Variants in MICAL3 observed in about 807,000 individuals in gnomAD.
MICAL3 encodes the protein microtubule associated monooxygenase, calponin and LIM domain containing 3, also known as [F-actin]-monooxygenase MICAL3.
A neutral mutation model predicts 207.4 loss-of-function variants in MICAL3; 62 were observed. The observed-to-expected ratio is 0.30, with a 90% CI of 0.24 to 0.37. The LOEUF is 0.37. Among genes scored for constraint, MICAL3 ranks in the 10% least tolerant of loss-of-function variants. The pLI is 1.00. For synonymous variants in MICAL3, 1,077 were observed against 1,069.3 expected, an observed-to-expected ratio of 1.01 and a Z score of -0.14; for missense variants, 2,368 against 2,635.6, an observed-to-expected ratio of 0.90 and a Z score of 2.22.
intron 19 of MICAL3, among the ~76,000 whole-genome samples, chr22:17,859,291 C>T (rs1353730453): frequency 1.3e-5 from 2 of 152,206 alleles, no homozygotes; most frequent in African/African-American, 2.4e-5. Flanking sequence ...AGAGCTGCTT[C>T]AGGGGGACGG....
At chr22:17,843,267 G>C (rs9618139) in intron 19 of MICAL3, among the ~76,000 whole-genome samples, 24,117 of 151,942 alleles carry the variant, frequency 0.16, 3,318 homozygotes, top group African/African-American at 0.37. Flanking sequence ...ACTGTGCTTT[G>C]GTCTCCTTTA....
chr22:17,819,771 C>T (rs1921344964), intron 25 of MICAL3, among the ~76,000 whole-genome samples: 1 of 151,426 alleles, frequency 6.6e-6, no homozygotes, highest in Non-Finnish European at 1.5e-5. Flanking sequence ...AATCCCGTCT[C>T]TACTAAAAAT....
chr22:17,868,820 C>T (rs563634680), intron 17 of MICAL3, among the ~76,000 whole-genome samples: 101 of 152,094 alleles, frequency 6.6e-4, no homozygotes, highest in South Asian at 1.9e-3. Context: ...ATCTGAACAC[C>T]GAGAGCCCCC....
Position 17,946,569 on chromosome 22 carries a change from T to C in MICAL3, c.-74-39683A>G, listed in dbSNP as rs559045836. On this transcript the variant is annotated intron_variant, in intron 1 of 31. Transcript: ENST00000441493. ...TCAGCACATGCGACACTGAGTCATC[T>C]TAGCGCCACACACATGCAGACAGAG... Among the ~76,000 whole-genome samples the C allele has an allele frequency of 2.0e-4, 30 of 152,322 alleles. 1 individual carries two copies. In the South Asian group the frequency reaches 6.0e-3, roughly 31 times the overall value.
At chr22:17,849,319 T>C (rs2146094673) in intron 19 of MICAL3, among the ~76,000 whole-genome samples, 1 of 152,258 alleles carries the variant, frequency 6.6e-6, no homozygotes, top group Middle Eastern at 3.4e-3. Context: ...CTAAGAGTCC[T>C]TCCAATCAAT....
At chr22:17,996,710 G>T (rs1156307654) in intron 1 of MICAL3, among the ~76,000 whole-genome samples, 1 of 152,192 alleles carries the variant, frequency 6.6e-6, no homozygotes, top group Non-Finnish European at 1.5e-5. Context: ...GACAGAGTGC[G>T]TGGCTGGAGA....
At chr22:17,828,279 C>A (rs946990866) in intron 21 of MICAL3, among the ~76,000 whole-genome samples, 1 of 152,256 alleles carries the variant, frequency 6.6e-6, no homozygotes, top group Admixed American at 6.5e-5. Flanking sequence ...CAGCTGATGG[C>A]CAGGTGACGA....
At chr22:17,977,106 C>T (rs1356210466) in intron 1 of MICAL3, among the ~76,000 whole-genome samples, 1 of 152,064 alleles carries the variant, frequency 6.6e-6, no homozygotes, top group East Asian at 1.9e-4. Flanking sequence ...CCGGCAGAGA[C>T]TTAACTACAA....
At chr22:17,810,351 C>A (rs550449795) in intron 28 of MICAL3, among the ~76,000 whole-genome samples, 3 of 152,160 alleles carry the variant, frequency 2.0e-5, no homozygotes, top group Non-Finnish European at 4.4e-5. Flanking sequence ...GCATGAGCCA[C>A]CGCACCCAGC....
At chr22:17,924,291 A>G (rs1165465262) in intron 1 of MICAL3, among the ~76,000 whole-genome samples, 1 of 152,004 alleles carries the variant, frequency 6.6e-6, no homozygotes. Flanking sequence ...AGCTCCACAG[A>G]CTCCAACTCA....
At chr22:17,861,665 C>G (rs1926527946) in intron 19 of MICAL3, 1 of 985,312 alleles carries the variant, frequency 1.0e-6, no homozygotes, top group Admixed American at 6.1e-5. Flanking sequence ...GTGGACAGTA[C>G]AAGGCCAGGG....
chr22:17,948,137 C>T (rs892466348), intron 1 of MICAL3, among the ~76,000 whole-genome samples: 3 of 152,234 alleles, frequency 2.0e-5, no homozygotes, highest in Non-Finnish European at 4.4e-5. Flanking sequence ...ATCCCTGCCA[C>T]TGGAAAAGAA....
chr22:18,020,568 C>T (rs1336650126), intron 1 of MICAL3, among the ~76,000 whole-genome samples: 3 of 142,482 alleles, frequency 2.1e-5, no homozygotes, highest in African/African-American at 8.1e-5. Context: ...TTTCATGGTG[C>T]TAAATGTATA....
intron 21 of MICAL3, 151 bp downstream of exon 21, chr22:17,831,703 C>CA (rs1922825375): frequency 7.8e-7 from 1 of 1,284,930 alleles, no homozygotes; most frequent in African/African-American, 1.5e-5. Flanking sequence ...CTCCCCTCTG[C>CA]CCCCCATGTC....
At chr22:17,924,449 A>C (rs1054508357) in intron 1 of MICAL3, among the ~76,000 whole-genome samples, 13 of 152,348 alleles carry the variant, frequency 8.5e-5, no homozygotes, top group African/African-American at 2.4e-4. Context: ...TGATATAGAT[A>C]CAGGTTGGGC....
In MICAL3 at chr22:17,849,983, G is replaced by A. The variant is rs116157009; in HGVS notation, c.2606-7966C>T. Among the ~76,000 whole-genome samples the A allele has an allele frequency of 5.2e-3, 786 of 152,084 alleles. 12 individuals carry two copies. Among genetic ancestry groups the A allele is most frequent in the African/African-American group, 0.018 (764 of 41,468 alleles). On this transcript the variant is annotated intron_variant, in intron 19 of 31. Coordinates refer to ENST00000441493, the MANE Select transcript of MICAL3 (RefSeq NM_015241.3). ...TGGGATTACAGATGTGAGCCACCGC[G>A]CCCAGTCCCAGGATGGAATTTTTAA...
At chr22:17,852,653 A>C (rs1474124360) in intron 19 of MICAL3, among the ~76,000 whole-genome samples, 7 of 152,212 alleles carry the variant, frequency 4.6e-5, no homozygotes, top group African/African-American at 1.7e-4. Context: ...GGGCCACCTG[A>C]GGCTCCTGGG....
Position 17,793,510 on chromosome 22 carries a change from C to T in MICAL3, c.5651-2209G>A, listed in dbSNP as rs2061846588. 6.6e-6 allele frequency among the ~76,000 whole-genome samples: 1 copy of T among 152,218 alleles called. No individual in the cohort carries two copies. Among genetic ancestry groups the T allele is most frequent in the Non-Finnish European group, 1.5e-5 (1 of 68,046 alleles). ...GCCCTGAAGGACCCAGACCTGGAGGCTCTCTGGCTTTACTCTGCACCCTGG... is the reference window on the plus strand; with the variant it reads ...GCCCTGAAGGACCCAGACCTGGAGGTTCTCTGGCTTTACTCTGCACCCTGG... On this transcript the variant is annotated intron_variant, in intron 29 of 31. Coordinates refer to ENST00000441493, the MANE Select transcript of MICAL3 (RefSeq NM_015241.3). The surrounding 1 kb of genome is among the most constrained non-coding windows in gnomAD (Gnocchi z 4.1).
intron 1 of MICAL3, among the ~76,000 whole-genome samples, chr22:17,942,398 G>A (rs1933849678): frequency 6.6e-6 from 1 of 152,086 alleles, no homozygotes; most frequent in African/African-American, 2.4e-5. Flanking sequence ...CCTCTGCCTG[G>A]TACCACCTCC....
Sources: gnomAD v4.1 joint callset for allele counts (sites outside exome capture counted in the v4.1 genomes callset) on GRCh38, gnomAD v4.1.1 for gene constraint, Gnocchi (gnomAD v3.1) non-coding constraint, MANE v1.5 for transcripts, NCBI Gene and HGNC (gene_info 2026-07-23, HGNC 2026-07-21) for gene names.